Variants in MEI1 observed in about 807,000 individuals in gnomAD.
MEI1 encodes the protein meiotic double-stranded break formation protein 1, also known as meiosis inhibitor protein 1.
In MEI1, 103 loss-of-function variants were observed where a neutral mutation model predicts 146.2. That is an observed-to-expected ratio of 0.70 (90% CI 0.60 to 0.83). The LOEUF is 0.83. Ranked by LOEUF, MEI1 falls within the 40% of genes least tolerant of loss-of-function variation. MEI1 has a pLI of 0.00. For missense variants in MEI1, 1,529 were observed against 1,533.0 expected (o/e 1.00, Z 0.04); for synonymous variants, 652 against 628.2 (o/e 1.04, Z -0.57).
Position 41,781,736 on chromosome 22 carries a change from T to A in MEI1, c.2978T>A (p.Met993Lys). The change falls in exon 24 of 31, where the codon ATG (methionine) becomes AAG (lysine). Residue 993 changes from methionine to lysine, a missense_variant. By Grantham distance (95) the Met-to-Lys change is moderately conservative (BLOSUM62 -1). This residue lies in a region of MEI1 where 313 missense variants were observed against 337.3 expected (regional missense o/e 0.93). Transcript: ENST00000401548. ...STGLMELLEK[M>K]LALTLAKADS... ...GGCCTGATGGAGCTTCTGGAGAAGATGCTGGCCCTCACCTTGGCAAAGGCA... is the reference window on the plus strand; with the variant it reads ...GGCCTGATGGAGCTTCTGGAGAAGAAGCTGGCCCTCACCTTGGCAAAGGCA... The A allele has an allele frequency of 6.2e-7, 1 of 1,613,924 alleles. No homozygotes were observed. Among genetic ancestry groups the A allele is most frequent in the South Asian group, 1.1e-5 (1 of 91,068 alleles).
intron 20 of MEI1, among the ~76,000 whole-genome samples, chr22:41,775,327 C>T (rs1404567950): frequency 6.6e-6 from 1 of 152,166 alleles, no homozygotes; most frequent in Admixed American, 6.5e-5. Context: ...AATTTATCCT[C>T]TGCCTGCCCA....
At chr22:41,703,216 G>A (rs1302547047) in intron 1 of MEI1, 115 bp from the exon 2 acceptor site, 22 of 1,144,694 alleles carry the variant, frequency 1.9e-5, no homozygotes, top group Admixed American at 1.0e-4. Flanking sequence ...GGATCTCACC[G>A]TAGTTTAAAT....
intron 20 of MEI1, 82 bp from the exon 21 acceptor site, chr22:41,776,020 T>C: frequency 2.1e-6 from 3 of 1,433,690 alleles, no homozygotes; most frequent in Non-Finnish European, 2.9e-6. Flanking sequence ...TATGGGCCCT[T>C]TTCCTGCCCC....
At position 41,717,771 on chromosome 22, in the gene MEI1, A is replaced by C. The variant is rs149968406; in HGVS notation, c.530-300A>C. Among the ~76,000 whole-genome samples the C allele has an allele frequency of 2.6e-5, 4 of 151,880 alleles. No homozygotes were observed. The East Asian group carries it at 5.8e-4, about 22-fold the overall frequency. On this transcript the variant is annotated intron_variant, in intron 5 of 30. Coordinates refer to ENST00000401548, the MANE Select transcript of MEI1 (RefSeq NM_152513.4). Reference sequence around the variant, plus strand: ...GCTGGGATTACAGGCGTGTGCCAGCATGCCCGGCTAATTTTTGTATTTTTA... The same window carrying C: ...GCTGGGATTACAGGCGTGTGCCAGCCTGCCCGGCTAATTTTTGTATTTTTA...
intron 4 of MEI1, 68 bp from the exon 5 acceptor site, chr22:41,715,973 A>G: frequency 8.6e-7 from 1 of 1,160,766 alleles, no homozygotes; most frequent in Non-Finnish European, 1.2e-6. Flanking sequence ...GGGTAGGGAA[A>G]GATCAGTTTT....
At chr22:41,729,096 C>T (rs936581200) in intron 7 of MEI1, among the ~76,000 whole-genome samples, 1 of 135,060 alleles carries the variant, frequency 7.4e-6, no homozygotes, top group East Asian at 2.3e-4. Context: ...CCCAGGGAGG[C>T]GGAGGTTGCA....
chr22:41,733,017 G>A (rs2072002478), intron 11 of MEI1, among the ~76,000 whole-genome samples: 1 of 152,116 alleles, frequency 6.6e-6, no homozygotes, highest in Admixed American at 6.5e-5. Context: ...CTGACCTCAG[G>A]TGATTCACCT....
chr22:41,723,872 A>C, intron 6 of MEI1, 71 bp from the exon 7 acceptor site: 1 of 1,512,388 alleles, frequency 6.6e-7, no homozygotes, highest in Non-Finnish European at 9.0e-7. Context: ...GGGATGTCTG[A>C]GGGGCTATCT....
At chr22:41,705,477 C>T in intron 2 of MEI1, 27 bp from the exon 3 acceptor site, 1 of 1,611,760 alleles carries the variant, frequency 6.2e-7, no homozygotes, top group Non-Finnish European at 8.5e-7. Flanking sequence ...GCCTAACCAC[C>T]CCTTTCTTAC....
chr22:41,799,453 C>A lies in MEI1; in HGVS notation c.*154C>A. On this transcript the variant is annotated 3_prime_UTR_variant, in exon 31 of 31. Coordinates refer to ENST00000401548, the MANE Select transcript of MEI1 (RefSeq NM_152513.4). ...ATAAGGAAATAAAATGATACACTCA[C>A]ATACCTGCGCGAGCTCTCCAAAAAC... 2.9e-6 allele frequency: 2 copies of A among 678,256 alleles called. No individual in the cohort carries two copies. The highest frequency in any genetic ancestry group is 5.0e-6 in the Non-Finnish European group (2 of 403,210). 42.0% of individuals were successfully genotyped at this position (678,256 alleles called of 1,614,324 possible).
At chr22:41,723,787 G>A (rs982685621) in intron 6 of MEI1, among the ~76,000 whole-genome samples, 156 bp from the exon 7 acceptor site, 1 of 151,978 alleles carries the variant, frequency 6.6e-6, no homozygotes, top group African/African-American at 2.4e-5. Context: ...AAGAGAGTCG[G>A]GTGCAAAAAG....
chr22:41,768,769 G>A (rs2075006242), intron 19 of MEI1, among the ~76,000 whole-genome samples: 2 of 152,076 alleles, frequency 1.3e-5, no homozygotes, highest in Admixed American at 1.3e-4. Flanking sequence ...CAACGGGGAG[G>A]TCCACCCCCA....
Position 41,718,165 on chromosome 22 carries a change from A to G in MEI1, c.624A>G (p.Ser208=), listed in dbSNP as rs564665988. The part of the protein sequence containing the change: ...VCYLYGKLYS[S]PVAAEMLSGH... ...ACCTTTATGGGAAGCTATACTCCTC[A>G]CCAGTGGCAGCTGAGATGCTTTCAG... Residue 208 remains serine (S), a synonymous_variant, in exon 6 of 31, where the codon TCA becomes TCG. Coordinates refer to ENST00000401548, the MANE Select transcript of MEI1 (RefSeq NM_152513.4). 2 of 1,613,968 alleles carry G rather than the reference A, an allele frequency of 1.2e-6. No homozygotes were observed. Among genetic ancestry groups the G allele is most frequent in the East Asian group, 4.5e-5 (2 of 44,886 alleles).
intron 6 of MEI1, among the ~76,000 whole-genome samples, chr22:41,720,424 A>G: frequency 6.6e-6 from 1 of 151,930 alleles, no homozygotes; most frequent in East Asian, 1.9e-4. Flanking sequence ...TTATTTTTTA[A>G]AATTTTTATT....
chr22:41,797,394 C>T (rs990076108), intron 30 of MEI1, among the ~76,000 whole-genome samples: 87 of 152,136 alleles, frequency 5.7e-4, no homozygotes, highest in African/African-American at 2.0e-3. Flanking sequence ...GGTGGATCAT[C>T]TGAGGTCAGG....
At chr22:41,738,116 A>G (rs547952170) in intron 11 of MEI1, among the ~76,000 whole-genome samples, 9 of 151,142 alleles carry the variant, frequency 6.0e-5, no homozygotes, top group Non-Finnish European at 1.2e-4. Flanking sequence ...AGCGTTTGAG[A>G]CTAGCCTGGA....
In MEI1 at chr22:41,770,826, T is replaced by G. The variant is rs1450198366; in HGVS notation, c.2409T>G (p.Leu803=). 1 of 1,613,938 alleles carries G rather than the reference T, an allele frequency of 6.2e-7. No homozygotes were observed. Among genetic ancestry groups the G allele is most frequent in the African/African-American group, 1.3e-5 (1 of 75,006 alleles). The change falls in exon 20 of 31, where the codon CTT becomes CTG. Residue 803 remains leucine, a synonymous_variant. Transcript: ENST00000401548. ...GGTATGGGCACCGTGTCCTGGAACTTTGGTTCTTCTGGGAAGAGAGCAGCT... is the reference window on the plus strand; with the variant it reads ...GGTATGGGCACCGTGTCCTGGAACTGTGGTTCTTCTGGGAAGAGAGCAGCT... ...MSRYGHRVLE[L]WFFWEESSYE...
intron 7 of MEI1, among the ~76,000 whole-genome samples, chr22:41,726,476 C>G (rs1247532378): frequency 6.6e-6 from 1 of 152,114 alleles, no homozygotes; most frequent in Admixed American, 6.6e-5. Context: ...TATCAAATCA[C>G]AAAACTGAAG....
intron 19 of MEI1, among the ~76,000 whole-genome samples, chr22:41,764,827 A>C (rs1158934553): frequency 6.6e-6 from 1 of 152,204 alleles, no homozygotes; most frequent in Non-Finnish European, 1.5e-5. Flanking sequence ...CTCCTGTACC[A>C]ACCAGAGGTG....
Sources: gnomAD v4.1 joint callset for allele counts (sites outside exome capture counted in the v4.1 genomes callset) on GRCh38, gnomAD v4.1.1 for gene constraint, gnomAD v4.1.1 regional missense constraint, MANE v1.5 for transcripts, NCBI Gene and HGNC (gene_info 2026-07-23, HGNC 2026-07-21) for gene names.